Variants in LYPLAL1 observed in about 807,000 individuals in gnomAD.
The protein encoded by LYPLAL1 is lysophospholipase like 1, also known as lysophospholipase-like protein 1.
A neutral mutation model predicts 19.7 loss-of-function variants in LYPLAL1; 23 were observed. The observed-to-expected ratio is 1.17, with a 90% CI of 0.84 to 1.65. The LOEUF is 1.65. LYPLAL1 is among the 40% of genes most tolerant of loss of function. The probability of loss-of-function intolerance (pLI) is 0.00; values close to 1 mark genes in which losing one functional copy is unlikely to be tolerated. For synonymous variants in LYPLAL1, 119 were observed against 96.3 expected (o/e 1.24, Z -1.38); for missense variants, 355 against 279.4 (o/e 1.27, Z -1.93).
chr1:219,233,392 A>G, the LYPLAL1 span, among the ~76,000 whole-genome samples: 1 of 152,200 alleles, frequency 6.6e-6, no homozygotes, highest in Non-Finnish European at 1.5e-5. Context: ...TCAGTTTTGC[A>G]GTATGAAAAG....
chr1:219,344,371 T>A, the LYPLAL1 span, among the ~76,000 whole-genome samples: 1 of 152,208 alleles, frequency 6.6e-6, no homozygotes, highest in Non-Finnish European at 1.5e-5. Flanking sequence ...CTCGTCTCCC[T>A]TCTCTTTCCA....
chr1:219,259,408 C>CATATAT, the LYPLAL1 span, among the ~76,000 whole-genome samples: 10 of 141,848 alleles, frequency 7.0e-5, no homozygotes, highest in African/African-American at 2.4e-4. Context: ...GGTATATATA[C>CATATAT]ATATATATAT....
chr1:219,386,988 A>T, the LYPLAL1 span, among the ~76,000 whole-genome samples: 1 of 152,174 alleles, frequency 6.6e-6, no homozygotes, highest in Non-Finnish European at 1.5e-5. Context: ...TATTTTAACA[A>T]TGCAGACCTG....
downstream of LYPLAL1, among the ~76,000 whole-genome samples, chr1:219,213,455 T>A (rs1558250263): frequency 1.3e-5 from 2 of 151,852 alleles, no homozygotes; most frequent in South Asian, 4.2e-4. Flanking sequence ...AAAAAAAAAA[T>A]TCTTGCTGGG....
chr1:219,247,936 A>G, the LYPLAL1 span, among the ~76,000 whole-genome samples: 1 of 152,186 alleles, frequency 6.6e-6, no homozygotes, highest in Non-Finnish European at 1.5e-5. Context: ...AAAACATGAA[A>G]TCAACTTTAG....
the LYPLAL1 span, among the ~76,000 whole-genome samples, chr1:219,312,440 T>C: frequency 6.6e-6 from 1 of 152,114 alleles, no homozygotes; most frequent in Admixed American, 6.6e-5. Context: ...ATTTTTGGAG[T>C]TGAGGAGGTC....
the LYPLAL1 span, among the ~76,000 whole-genome samples, chr1:219,419,578 C>CAT: frequency 0.016 from 1,982 of 121,858 alleles, 27 homozygotes; most frequent in Non-Finnish European, 0.023. Flanking sequence ...CACACACACA[C>CAT]ACACACACAC....
the LYPLAL1 span, among the ~76,000 whole-genome samples, chr1:219,413,255 T>G: frequency 6.6e-6 from 1 of 152,218 alleles, no homozygotes; most frequent in East Asian, 1.9e-4. Context: ...TCTTCTTTCT[T>G]GAAAGGAAAT....
At chr1:219,239,882 C>T in the LYPLAL1 span, among the ~76,000 whole-genome samples, 1 of 152,104 alleles carries the variant, frequency 6.6e-6, no homozygotes, top group Non-Finnish European at 1.5e-5. Context: ...TAGACTTTTC[C>T]CTGCTCATCA....
At chr1:219,342,099 T>G in the LYPLAL1 span, among the ~76,000 whole-genome samples, 1 of 152,184 alleles carries the variant, frequency 6.6e-6, no homozygotes, top group Non-Finnish European at 1.5e-5. Context: ...GTTAATAATT[T>G]TTACTAAATC....
the LYPLAL1 span, among the ~76,000 whole-genome samples, chr1:219,230,290 T>A: frequency 6.6e-6 from 1 of 152,204 alleles, no homozygotes; most frequent in Non-Finnish European, 1.5e-5. Flanking sequence ...TTTGTGTATT[T>A]TTAGTAGAGA....
chr1:219,420,138 A>ATTT, the LYPLAL1 span, among the ~76,000 whole-genome samples: 1 of 152,244 alleles, frequency 6.6e-6, no homozygotes, highest in East Asian at 1.9e-4. Flanking sequence ...CCCTGAGGAA[A>ATTT]GGAATTGACT....
the LYPLAL1 span, among the ~76,000 whole-genome samples, chr1:219,267,029 A>T: frequency 9.2e-5 from 14 of 152,274 alleles, no homozygotes; most frequent in Admixed American, 5.2e-4. Context: ...ATGCTAGAAA[A>T]TACCACCCCA....
At chr1:219,349,044 C>A in the LYPLAL1 span, among the ~76,000 whole-genome samples, 2 of 152,134 alleles carry the variant, frequency 1.3e-5, no homozygotes, top group African/African-American at 4.8e-5. Context: ...AACATCATTT[C>A]TTTTTCATAA....
the LYPLAL1 span, among the ~76,000 whole-genome samples, chr1:219,242,638 T>G: frequency 2.6e-5 from 4 of 152,122 alleles, no homozygotes; most frequent in Admixed American, 1.3e-4. Context: ...GTTGGGAGTA[T>G]GTAGTAGCCA....
chr1:219,231,858 A>T, the LYPLAL1 span, among the ~76,000 whole-genome samples: 1 of 152,208 alleles, frequency 6.6e-6, no homozygotes, highest in African/African-American at 2.4e-5. Context: ...TATGTCAAAT[A>T]ACTACCAATA....
At chr1:219,258,249 A>G in the LYPLAL1 span, among the ~76,000 whole-genome samples, 1 of 152,056 alleles carries the variant, frequency 6.6e-6, no homozygotes, top group Non-Finnish European at 1.5e-5. Flanking sequence ...AGTTAATGCA[A>G]TCATCACAGG....
At chr1:219,202,839 CTG>C (rs1203562970) in intron 3 of LYPLAL1, among the ~76,000 whole-genome samples, 2 of 5,872 alleles carry the variant, frequency 3.4e-4, no homozygotes, top group Non-Finnish European at 8.6e-4. Flanking sequence ...CCATGCCTGG[CTG>C]TTTTTTTTTT....
the LYPLAL1 span, among the ~76,000 whole-genome samples, chr1:219,367,373 T>A: frequency 2.0e-4 from 30 of 152,354 alleles, no homozygotes; most frequent in African/African-American, 6.7e-4. Flanking sequence ...TAAACAATTC[T>A]GATGATTCAG....
Sources: allele counts gnomAD v4.1 joint callset (sites outside exome capture counted in the v4.1 genomes callset), GRCh38; gene constraint gnomAD v4.1.1; transcripts MANE v1.5; gene names NCBI Gene and HGNC (gene_info 2026-07-23, HGNC 2026-07-21).